ST6GALNAC3: variants seen among roughly 807,000 people sequenced by gnomAD.
The protein encoded by ST6GALNAC3 is alpha-N-acetylgalactosaminide alpha-2,6-sialyltransferase 3.
ST6GALNAC3 carries 25 observed loss-of-function variants against 32.7 expected under a neutral mutation model. That is an observed-to-expected ratio of 0.76 (90% CI 0.56 to 1.07). The LOEUF is 1.07. ST6GALNAC3 is among the 50% of genes least tolerant of loss of function. The pLI is 0.00. For missense variants in ST6GALNAC3, 355 were observed against 382.4 expected (o/e 0.93, Z 0.60); for synonymous variants, 129 against 133.1 (o/e 0.97, Z 0.21).
intron 3 of ST6GALNAC3, among the ~76,000 whole-genome samples, chr1:76,459,255 G>A (rs868158096): frequency 6.6e-6 from 1 of 152,166 alleles, no homozygotes; most frequent in African/African-American, 2.4e-5. Flanking sequence ...TCATGGCCCA[G>A]TATACAGAGA....
At chr1:76,323,139 G>T (rs1221570839) in intron 2 of ST6GALNAC3, among the ~76,000 whole-genome samples, 1 of 152,042 alleles carries the variant, frequency 6.6e-6, no homozygotes, top group Non-Finnish European at 1.5e-5. Context: ...AAGTATACCT[G>T]GTTCAAATGA....
intron 3 of ST6GALNAC3, among the ~76,000 whole-genome samples, chr1:76,607,306 T>G (rs1647623401): frequency 6.6e-6 from 1 of 152,250 alleles, no homozygotes; most frequent in South Asian, 2.1e-4. Context: ...TGTTTAGAGG[T>G]TTTATGGTGG....
chr1:76,344,684 G>C (rs1359430836), intron 2 of ST6GALNAC3, among the ~76,000 whole-genome samples: 1 of 152,138 alleles, frequency 6.6e-6, no homozygotes, highest in Non-Finnish European at 1.5e-5. Context: ...TGCCAGGTCT[G>C]GAAGAATATG....
chr1:76,330,423 TG>T (rs1365279507), intron 2 of ST6GALNAC3, among the ~76,000 whole-genome samples: 3 of 152,330 alleles, frequency 2.0e-5, no homozygotes, highest in African/African-American at 7.2e-5. Context: ...CCCAAAGTGC[TG>T]GGATTACAGG....
intron 3 of ST6GALNAC3, among the ~76,000 whole-genome samples, chr1:76,474,392 A>G (rs998413523): frequency 1.3e-5 from 2 of 152,146 alleles, no homozygotes; most frequent in South Asian, 4.1e-4. Flanking sequence ...GCGGGACCTC[A>G]TGATTGGATC....
chr1:76,440,171 G>A (rs145585195), intron 3 of ST6GALNAC3, among the ~76,000 whole-genome samples: 211 of 152,314 alleles, frequency 1.4e-3, no homozygotes, highest in Non-Finnish European at 1.2e-3. Flanking sequence ...GTAAAGAGAC[G>A]AAGCATGGAA....
chr1:76,315,557 A>G (rs1247057530), intron 2 of ST6GALNAC3, among the ~76,000 whole-genome samples: 1 of 152,112 alleles, frequency 6.6e-6, no homozygotes, highest in Non-Finnish European at 1.5e-5. Context: ...TAATACAATG[A>G]TTTTACAAAA....
intron 1 of ST6GALNAC3, among the ~76,000 whole-genome samples, chr1:76,210,216 T>C (rs1413915484): frequency 5.3e-5 from 8 of 152,202 alleles, no homozygotes; most frequent in African/African-American, 1.9e-4. Flanking sequence ...ATTGTCCTGA[T>C]TAGAGCTGCA....
intron 1 of ST6GALNAC3, among the ~76,000 whole-genome samples, chr1:76,302,936 C>T (rs1192530984): frequency 6.6e-6 from 1 of 151,976 alleles, no homozygotes; most frequent in Non-Finnish European, 1.5e-5. Flanking sequence ...GCTCAAGGGC[C>T]TGGATGCAGA....
At chr1:76,261,212 A>C (rs1292084738) in intron 1 of ST6GALNAC3, among the ~76,000 whole-genome samples, 1 of 152,100 alleles carries the variant, frequency 6.6e-6, no homozygotes, top group Non-Finnish European at 1.5e-5. Flanking sequence ...CCCCACTTCA[A>C]GTATCTGTCT....
At chr1:76,366,984 A>G (rs1345586735) in intron 2 of ST6GALNAC3, among the ~76,000 whole-genome samples, 1 of 152,228 alleles carries the variant, frequency 6.6e-6, no homozygotes, top group African/African-American at 2.4e-5. Context: ...AGAAAATGAC[A>G]GTGTGGGGCT....
chr1:76,494,556 C>T (rs1571413276), intron 3 of ST6GALNAC3, among the ~76,000 whole-genome samples: 2 of 70,772 alleles, frequency 2.8e-5, no homozygotes, highest in Non-Finnish European at 7.1e-5. Flanking sequence ...TATAAACACA[C>T]ACACACACAC....
intron 2 of ST6GALNAC3, among the ~76,000 whole-genome samples, chr1:76,333,172 C>T (rs1647231387): frequency 6.6e-6 from 1 of 152,106 alleles, no homozygotes; most frequent in Non-Finnish European, 1.5e-5. Context: ...AAAATGAGAT[C>T]AGATTTGTAC....
intron 3 of ST6GALNAC3, among the ~76,000 whole-genome samples, chr1:76,489,959 C>T (rs1220461480): frequency 6.6e-6 from 1 of 152,192 alleles, no homozygotes; most frequent in African/African-American, 2.4e-5. Context: ...CTGGAGGGCA[C>T]ATACCCTCGG....
intron 1 of ST6GALNAC3, among the ~76,000 whole-genome samples, chr1:76,162,584 G>A (rs1427059278): frequency 6.6e-6 from 1 of 152,198 alleles, no homozygotes; most frequent in African/African-American, 2.4e-5. Flanking sequence ...GTTTAAATGA[G>A]ATAAAATTTG....
At chr1:76,625,486 A>T (rs1648911852) in intron 3 of ST6GALNAC3, among the ~76,000 whole-genome samples, 1 of 151,968 alleles carries the variant, frequency 6.6e-6, no homozygotes, top group Non-Finnish European at 1.5e-5. Flanking sequence ...AGAAGAGAAA[A>T]AAAAAGAATA....
intron 2 of ST6GALNAC3, among the ~76,000 whole-genome samples, chr1:76,406,518 T>G (rs1461486829): frequency 1.3e-5 from 2 of 152,046 alleles, no homozygotes; most frequent in South Asian, 4.1e-4. Flanking sequence ...TCAGCCATAT[T>G]TCAAGCTGAA....
chr1:76,333,470 C>G (rs1647244903), intron 2 of ST6GALNAC3, among the ~76,000 whole-genome samples: 1 of 152,110 alleles, frequency 6.6e-6, no homozygotes, highest in African/African-American at 2.4e-5. Context: ...TTGGCAGTAT[C>G]TTTTCTAATC....
chr1:76,531,506 C>T (rs748493286), intron 3 of ST6GALNAC3, among the ~76,000 whole-genome samples: 11 of 152,130 alleles, frequency 7.2e-5, no homozygotes, highest in Non-Finnish European at 1.5e-4. Context: ...AAAGCTGCCA[C>T]GTCAGTTTTC....
Sources: gnomAD v4.1 joint callset for allele counts (sites outside exome capture counted in the v4.1 genomes callset) on GRCh38, gnomAD v4.1.1 for gene constraint, MANE v1.5 for transcripts, NCBI Gene and HGNC (gene_info 2026-07-23, HGNC 2026-07-21) for gene names.